Variants in PARD3B observed in about 807,000 individuals in gnomAD.
The protein encoded by PARD3B is par-3 family cell polarity regulator beta, also known as partitioning defective 3 homolog B.
Under a neutral mutation model 130.2 loss-of-function variants are expected in PARD3B, and 103 were observed. That is an observed-to-expected ratio of 0.79 (90% CI 0.67 to 0.93). PARD3B has a LOEUF of 0.93. Among genes scored for constraint, PARD3B ranks in the 40% least tolerant of loss-of-function variants. The pLI is 0.00. For missense variants in PARD3B, 1,609 were observed against 1,499.2 expected (o/e 1.07, Z -1.21); for synonymous variants, 583 against 553.2 (o/e 1.05, Z -0.76).
At chr2:204,644,355 G>C (rs146216284) in intron 1 of PARD3B, among the ~76,000 whole-genome samples, 2,516 of 152,270 alleles carry the variant, frequency 0.017, 51 homozygotes, top group Non-Finnish European at 0.019. Flanking sequence ...GTATGGGTGT[G>C]TGGGTGTCTA....
At chr2:205,395,665 T>C (rs1459035887) in intron 18 of PARD3B, among the ~76,000 whole-genome samples, 1 of 152,206 alleles carries the variant, frequency 6.6e-6, no homozygotes, top group Non-Finnish European at 1.5e-5. Flanking sequence ...TCTTCTCTTC[T>C]CAATGGCCAC....
At chr2:204,615,247 C>T (rs1258404442) in intron 1 of PARD3B, among the ~76,000 whole-genome samples, 1 of 152,138 alleles carries the variant, frequency 6.6e-6, no homozygotes, top group African/African-American at 2.4e-5. Flanking sequence ...CACCAAAACT[C>T]AGCAATTGGT....
At chr2:205,345,565 G>A (rs1049136411) in intron 18 of PARD3B, among the ~76,000 whole-genome samples, 1 of 151,748 alleles carries the variant, frequency 6.6e-6, no homozygotes, top group African/African-American at 2.4e-5. Context: ...TCAGTTGAAT[G>A]TTTATATTTG....
chr2:205,580,576 T>A (rs1303048339), intron 22 of PARD3B, among the ~76,000 whole-genome samples: 1 of 152,228 alleles, frequency 6.6e-6, no homozygotes, highest in Non-Finnish European at 1.5e-5. Context: ...GCCTATTTTT[T>A]AACTATACAA....
chr2:204,665,961 C>T (rs1407291971), intron 1 of PARD3B, among the ~76,000 whole-genome samples: 1 of 152,118 alleles, frequency 6.6e-6, no homozygotes, highest in Non-Finnish European at 1.5e-5. Flanking sequence ...AATGAGTTTG[C>T]CTGATGCCTA....
At chr2:204,681,924 C>G (rs1407179620) in intron 1 of PARD3B, among the ~76,000 whole-genome samples, 1 of 152,164 alleles carries the variant, frequency 6.6e-6, no homozygotes, top group Non-Finnish European at 1.5e-5. Flanking sequence ...GCAGTAAGAT[C>G]TTTTTCCACT....
chr2:205,486,869 A>G (rs1417830779), intron 20 of PARD3B, among the ~76,000 whole-genome samples: 5 of 152,138 alleles, frequency 3.3e-5, no homozygotes, highest in Admixed American at 2.6e-4. Flanking sequence ...TTGAGAATCT[A>G]TTTGGATTAA....
chr2:205,224,205 C>A (rs796978306), intron 15 of PARD3B, among the ~76,000 whole-genome samples: 1 of 148,880 alleles, frequency 6.7e-6, no homozygotes, highest in Non-Finnish European at 1.5e-5. Context: ...CCCGTCTCTA[C>A]TAAAAATACA....
chr2:205,449,572 C>G (rs538419755), intron 20 of PARD3B, among the ~76,000 whole-genome samples: 1 of 152,068 alleles, frequency 6.6e-6, no homozygotes, highest in African/African-American at 2.4e-5. Flanking sequence ...AATAATGTGT[C>G]CATTTAGACT....
intron 2 of PARD3B, among the ~76,000 whole-genome samples, chr2:204,883,455 AT>A (rs1348171832): frequency 2.5e-4 from 19 of 77,276 alleles, no homozygotes; most frequent in African/African-American, 8.3e-4. Context: ...ATATATATAT[AT>A]TTTTTTTTTT....
chr2:205,011,984 A>G lies in PARD3B; in HGVS notation c.395-35597A>G, dbSNP rs1282390502. On this transcript the variant is annotated intron_variant, in intron 3 of 22. Coordinates refer to ENST00000406610, the MANE Select transcript of PARD3B (RefSeq NM_001302769.2). The surrounding 1 kb of genome is among the most constrained non-coding windows in gnomAD (Gnocchi z 4.1). ...GGGCCAAGGCCTCGTTGGGCATTTT[A>G]CAGGCTTTCTACCCATCCTCTTGCC... Among the ~76,000 whole-genome samples the G allele has an allele frequency of 6.6e-6, 1 of 152,140 alleles. No homozygotes were observed. Among genetic ancestry groups the G allele is most frequent in the Non-Finnish European group, 1.5e-5 (1 of 68,020 alleles).
chr2:205,070,322 A>C (rs916420364), intron 4 of PARD3B, among the ~76,000 whole-genome samples: 1 of 152,096 alleles, frequency 6.6e-6, no homozygotes, highest in African/African-American at 2.4e-5. Flanking sequence ...AATCCACATT[A>C]GAATTTCCCC....
chr2:205,365,365 A>T (rs1035592689), intron 18 of PARD3B, among the ~76,000 whole-genome samples: 4 of 139,654 alleles, frequency 2.9e-5, no homozygotes, highest in African/African-American at 5.2e-5. Context: ...TGGGCAACAG[A>T]GCGAGACTCC....
intron 2 of PARD3B, among the ~76,000 whole-genome samples, chr2:204,935,346 G>A (rs368517576): frequency 0.011 from 1,658 of 147,008 alleles, 27 homozygotes; most frequent in African/African-American, 0.034. Flanking sequence ...TGGCTAACAC[G>A]GTGAAACCCT....
At chr2:204,634,949 CA>C (rs1306090985) in intron 1 of PARD3B, among the ~76,000 whole-genome samples, 1 of 152,178 alleles carries the variant, frequency 6.6e-6, no homozygotes, top group Non-Finnish European at 1.5e-5. Flanking sequence ...GGTTGTAGAG[CA>C]AAGGCAAATT....
intron 18 of PARD3B, among the ~76,000 whole-genome samples, chr2:205,393,977 A>T (rs2045942288): frequency 6.6e-6 from 1 of 152,182 alleles, no homozygotes; most frequent in African/African-American, 2.4e-5. Flanking sequence ...GAATAATATT[A>T]AAATCTTTAT....
rs1181942258 is a variant in PARD3B at position 205,160,663 on chromosome 2, G to C, written c.1620+1756G>C. On this transcript the variant is annotated intron_variant, in intron 11 of 22. Transcript: ENST00000406610. This position sits in a 1 kb window ranked among gnomAD's most constrained non-coding sequence, Gnocchi z 4.0. ...GAGCAAAAGCGAAATAGTAGTAATA[G>C]CAACAACAACAATAGCAATGAACAT... Among the ~76,000 whole-genome samples, 1 of 152,178 alleles carries C rather than the reference G, an allele frequency of 6.6e-6. No homozygotes were observed. Among genetic ancestry groups the C allele is most frequent in the African/African-American group, 2.4e-5 (1 of 41,442 alleles).
At chr2:205,423,782 T>A (rs1187614293) in intron 19 of PARD3B, among the ~76,000 whole-genome samples, 1 of 152,200 alleles carries the variant, frequency 6.6e-6, no homozygotes, top group Non-Finnish European at 1.5e-5. Flanking sequence ...GATCGTGTCC[T>A]TTGCAAGGAC....
chr2:205,319,305 A>G (rs1022398074), intron 18 of PARD3B, among the ~76,000 whole-genome samples: 2 of 152,194 alleles, frequency 1.3e-5, no homozygotes, highest in South Asian at 2.1e-4. Flanking sequence ...TCAGTCCTGC[A>G]TGAGCCCCAC....
Sources: allele counts gnomAD v4.1 joint callset (sites outside exome capture counted in the v4.1 genomes callset), GRCh38; gene constraint gnomAD v4.1.1; non-coding constraint Gnocchi (gnomAD v3.1); transcripts MANE v1.5; gene names NCBI Gene and HGNC (gene_info 2026-07-23, HGNC 2026-07-21).